The following CLDN18 variants were observed in gnomAD, a reference collection of about 807,000 sequenced individuals.
The protein encoded by CLDN18 is claudin 18.
A neutral mutation model predicts 25.0 loss-of-function variants in CLDN18; 20 were observed. The ratio of observed to expected loss-of-function variants is 0.80; its 90% CI spans 0.56 to 1.16. The LOEUF is 1.16. CLDN18 is among the 50% of genes most tolerant of loss of function. The probability of loss-of-function intolerance (pLI) is 0.00; values close to 1 mark genes in which losing one functional copy is unlikely to be tolerated. For missense variants in CLDN18, 297 were observed against 345.4 expected (o/e 0.86, Z 1.11); for synonymous variants, 125 against 135.6 (o/e 0.92, Z 0.54).
exon 1 of CLDN18, chr3:137,998,820 T>C: frequency 6.4e-7 from 1 of 1,566,488 alleles, no homozygotes; most frequent in Non-Finnish European, 8.8e-7. Context: ...AGTCTCAGAA[T>C]TGCGCTGTCC....
At chr3:138,028,185 T>C (rs1166127411) in intron 3 of CLDN18, among the ~76,000 whole-genome samples, 1 of 152,038 alleles carries the variant, frequency 6.6e-6, no homozygotes, top group Non-Finnish European at 1.5e-5. Flanking sequence ...CTGCCTCAAC[T>C]TCCCAAGTTG....
chr3:138,030,278 C>A (rs1033276540), intron 4 of CLDN18, among the ~76,000 whole-genome samples: 3 of 152,188 alleles, frequency 2.0e-5, no homozygotes, highest in African/African-American at 7.2e-5. Flanking sequence ...TGGCCTCTGG[C>A]GGGTAGAGGC....
At chr3:138,026,587 G>A (rs191441741) in intron 3 of CLDN18, among the ~76,000 whole-genome samples, 172 of 152,286 alleles carry the variant, frequency 1.1e-3, no homozygotes, top group African/African-American at 3.8e-3. Flanking sequence ...AGAGGTTGCA[G>A]TGAGCCGAGA....
intron 4 of CLDN18, 102 bp from the exon 5 acceptor site, chr3:138,030,868 A>G (rs998908475): frequency 1.0e-5 from 11 of 1,100,990 alleles, no homozygotes; most frequent in African/African-American, 1.6e-5. Flanking sequence ...TTCCAGGGAC[A>G]CTGGACTTTC....
Position 138,027,870 on chromosome 3 carries a change from T to C in CLDN18, c.504-1927T>C, listed in dbSNP as rs542165445. ...CAGCTCCCAGCCACACTGGGTAGGA[T>C]GAGGGGGCAGGGCTCTTCATGCCAA... On this transcript the variant is annotated intron_variant, in intron 3 of 4. Transcript: ENST00000183605. 1.4e-4 allele frequency among the ~76,000 whole-genome samples: 22 copies of C among 152,232 alleles called. No individual in the cohort carries two copies. The South Asian group carries it at 4.6e-3, about 32-fold the overall frequency.
chr3:138,010,568 G>C, intron 1 of CLDN18, 123 bp downstream of exon 1: 1 of 1,266,094 alleles, frequency 7.9e-7, no homozygotes, highest in Non-Finnish European at 1.1e-6. Flanking sequence ...CAGAATGAAA[G>C]GTGTGAATAA....
chr3:138,016,781 T>C (rs1942209757), intron 1 of CLDN18, among the ~76,000 whole-genome samples: 1 of 152,064 alleles, frequency 6.6e-6, no homozygotes, highest in South Asian at 2.1e-4. Context: ...GGGCCGGGCT[T>C]GGTGGCTCAC....
At chr3:138,009,903 G>A, upstream of CLDN18, 1 of 330,732 alleles carries the variant, frequency 3.0e-6, no homozygotes, top group East Asian at 5.7e-5. Context: ...GGCGCTCTCC[G>A]GAGGAGCCGG....
At chr3:138,009,342 G>A (rs1048415062), upstream of CLDN18, among the ~76,000 whole-genome samples, 1 of 152,154 alleles carries the variant, frequency 6.6e-6, no homozygotes, top group African/African-American at 2.4e-5. Context: ...GGCCTTTGTG[G>A]GACCTCCTGT....
chr3:138,003,033 A>G (rs4678398), intron 1 of CLDN18, among the ~76,000 whole-genome samples: 40,415 of 152,086 alleles, frequency 0.27, 5,439 homozygotes, highest in South Asian at 0.34. Flanking sequence ...AAGGGCTCAT[A>G]AATCTAGGAA....
upstream of CLDN18, chr3:138,009,964 G>GGCA: frequency 2.1e-6 from 1 of 486,540 alleles, no homozygotes; most frequent in Admixed American, 3.4e-5. Flanking sequence ...TCTGCTCCCT[G>GGCA]GCACGGCTCT....
chr3:138,000,703 G>A (rs979575612), intron 1 of CLDN18, among the ~76,000 whole-genome samples: 2 of 152,204 alleles, frequency 1.3e-5, no homozygotes, highest in Non-Finnish European at 2.9e-5. Flanking sequence ...CAGATGGGTG[G>A]GTAACTGGCA....
At chr3:138,011,330 T>C (rs1942135044) in intron 1 of CLDN18, among the ~76,000 whole-genome samples, 1 of 152,154 alleles carries the variant, frequency 6.6e-6, no homozygotes, top group South Asian at 2.1e-4. Flanking sequence ...TGGAAATAAA[T>C]TTGCAAGAAA....
intron 1 of CLDN18, among the ~76,000 whole-genome samples, chr3:138,013,574 G>A (rs1043891796): frequency 5.3e-5 from 8 of 152,208 alleles, no homozygotes; most frequent in South Asian, 4.1e-4. Context: ...CTCACAGTGC[G>A]TTGGCCACAA....
chr3:138,029,293 G>C (rs1942361057), intron 3 of CLDN18, among the ~76,000 whole-genome samples: 1 of 152,022 alleles, frequency 6.6e-6, no homozygotes. Context: ...TTACAGGCGT[G>C]CACCACCACA....
At chr3:138,029,640 T>G (rs1377953606) in intron 3 of CLDN18, among the ~76,000 whole-genome samples, 157 bp from the exon 4 acceptor site, 1 of 152,168 alleles carries the variant, frequency 6.6e-6, no homozygotes, top group Non-Finnish European at 1.5e-5. Flanking sequence ...ACCTGATCAG[T>G]TGGCTGTGAC....
intron 2 of CLDN18, among the ~76,000 whole-genome samples, chr3:138,024,331 A>G (rs2107887515): frequency 6.6e-6 from 1 of 152,352 alleles, no homozygotes; most frequent in East Asian, 1.9e-4. Context: ...CCAAAGAACC[A>G]GACTGAAAAT....
At chr3:138,002,804 C>T (rs751281631) in intron 1 of CLDN18, among the ~76,000 whole-genome samples, 7 of 152,120 alleles carry the variant, frequency 4.6e-5, no homozygotes, top group Admixed American at 3.9e-4. Context: ...CAGTAGTCAA[C>T]CTTTTCTGGG....
At chr3:138,030,945 C>T in intron 4 of CLDN18, 25 bp from the exon 5 acceptor site, 2 of 1,603,398 alleles carry the variant, frequency 1.2e-6, no homozygotes, top group Non-Finnish European at 1.7e-6. Flanking sequence ...CATCTACAAT[C>T]ATGGAATGTT....
Sources: gnomAD v4.1 joint callset for allele counts (sites outside exome capture counted in the v4.1 genomes callset) on GRCh38, gnomAD v4.1.1 for gene constraint, MANE v1.5 for transcripts, NCBI Gene and HGNC (gene_info 2026-07-23, HGNC 2026-07-21) for gene names.